LHFPL1: variants seen among roughly 807,000 people sequenced by gnomAD.
LHFPL1 encodes LHFPL tetraspan subfamily member 1.
A neutral mutation model predicts 12.1 loss-of-function variants in LHFPL1; 4 were observed. The ratio of observed to expected loss-of-function variants is 0.33; its 90% confidence interval spans 0.16 to 0.76. The LOEUF (loss-of-function observed/expected upper bound fraction) is 0.76. Among genes scored for constraint, LHFPL1 ranks in the 30% least tolerant of loss-of-function variants. LHFPL1 has a pLI of 0.61. For synonymous variants in LHFPL1, 52 were observed against 61.9 expected, an observed-to-expected ratio of 0.84 and a Z score of 0.75; for missense variants, 141 against 174.1, an observed-to-expected ratio of 0.81 and a Z score of 1.07.
intron 3 of LHFPL1, among the ~76,000 whole-genome samples, chrX:112,656,095 T>C (rs1701130580): frequency 9.0e-6 from 1 of 111,655 alleles, no homozygotes; most frequent in South Asian, 3.8e-4. Flanking sequence ...CTAATAAATA[T>C]AGATGCAAAA....
chrX:112,671,434 C>T (rs1931502664), intron 1 of LHFPL1, 30 bp from the exon 2 acceptor site: 1 of 1,210,239 alleles, frequency 8.3e-7, no homozygotes, highest in East Asian at 3.0e-5. Flanking sequence ...AGTTGGATCA[C>T]AGCACCAAAT....
At chrX:112,663,104 G>T (rs1931236780) in intron 2 of LHFPL1, among the ~76,000 whole-genome samples, 1 of 111,151 alleles carries the variant, frequency 9.0e-6, no homozygotes, top group South Asian at 3.9e-4. Context: ...CTGCCCCTCA[G>T]ATCTTACCAT....
intron 1 of LHFPL1, among the ~76,000 whole-genome samples, chrX:112,679,150 A>T (rs1435479281): frequency 9.0e-6 from 1 of 110,614 alleles, no homozygotes; most frequent in Non-Finnish European, 1.9e-5. Flanking sequence ...TCCATGGGTG[A>T]TTTTTCCTCA....
intron 3 of LHFPL1, among the ~76,000 whole-genome samples, chrX:112,636,416 A>T (rs895913593): frequency 1.2e-4 from 13 of 112,489 alleles, no homozygotes; most frequent in African/African-American, 4.2e-4. Flanking sequence ...AGCAATCCTC[A>T]TGTAGACAAA....
chrX:112,667,144 G>T (rs915748547), intron 2 of LHFPL1, among the ~76,000 whole-genome samples: 12 of 112,013 alleles, frequency 1.1e-4, no homozygotes, highest in Non-Finnish European at 2.3e-4. Flanking sequence ...TTAGAAACAT[G>T]GCACTCTTCC....
chrX:112,641,620 T>C (rs1930510915), intron 3 of LHFPL1, among the ~76,000 whole-genome samples: 1 of 112,511 alleles, frequency 8.9e-6, no homozygotes, highest in Non-Finnish European at 1.9e-5. Context: ...GCCAAAAAGA[T>C]GACACATACA....
intron 3 of LHFPL1, among the ~76,000 whole-genome samples, chrX:112,653,145 T>C (rs1203267509): frequency 8.9e-6 from 1 of 112,341 alleles, no homozygotes; most frequent in Non-Finnish European, 1.9e-5. Flanking sequence ...TATTACTTCA[T>C]ATCTTTAAAA....
intron 3 of LHFPL1, among the ~76,000 whole-genome samples, chrX:112,655,576 C>T (rs1352830039): frequency 9.0e-6 from 1 of 111,132 alleles, no homozygotes; most frequent in Non-Finnish European, 1.9e-5. Flanking sequence ...TTGATAATGC[C>T]CGCCTCTATT....
At position 112,639,845 on chromosome X, in the gene LHFPL1, T is replaced by C. The variant is rs757764410; in HGVS notation, c.482-8244A>G. Among the ~76,000 whole-genome samples the C allele has an allele frequency of 2.1e-4, 24 of 112,343 alleles. No individual in the cohort carries two copies. In the South Asian group the frequency reaches 8.5e-3, roughly 40 times the overall value. ...ACTTCTGGGTCACCCCGTGTTGCCT[T>C]TTATACAGCCTGTCAGCTACACCTG... On this transcript the variant is annotated intron_variant, in intron 3 of 3. Transcript: ENST00000371968.
At chrX:112,657,372 T>G (rs760643772) in intron 3 of LHFPL1, among the ~76,000 whole-genome samples, 7 of 112,150 alleles carry the variant, frequency 6.2e-5, no homozygotes, top group Non-Finnish European at 1.1e-4. Context: ...CTCCCCAAAC[T>G]AATCTACAGA....
chrX:112,662,822 A>T (rs7877118), intron 2 of LHFPL1, among the ~76,000 whole-genome samples: 12,296 of 111,641 alleles, frequency 0.11, 1,709 homozygotes, highest in African/African-American at 0.38. Context: ...GAGTACGCAC[A>T]TTGGGTTAAG....
At chrX:112,659,375 G>A (rs1056224107) in intron 3 of LHFPL1, among the ~76,000 whole-genome samples, 1 of 110,689 alleles carries the variant, frequency 9.0e-6, no homozygotes, top group Non-Finnish European at 1.9e-5. Context: ...CAGGAGAATC[G>A]CTTGAACCTG....
intron 2 of LHFPL1, among the ~76,000 whole-genome samples, chrX:112,661,003 T>C (rs1233746246): frequency 2.7e-5 from 3 of 112,398 alleles, no homozygotes; most frequent in Admixed American, 9.4e-5. Context: ...CAAAATACTT[T>C]TGTCAATGAC....
At chrX:112,636,456 C>A (rs1003784432) in intron 3 of LHFPL1, among the ~76,000 whole-genome samples, 2 of 112,212 alleles carry the variant, frequency 1.8e-5, no homozygotes, top group Admixed American at 1.9e-4. Context: ...AAATTCTATT[C>A]AAAATAAATC....
At chrX:112,641,604 C>G (rs1930510486) in intron 3 of LHFPL1, among the ~76,000 whole-genome samples, 1 of 112,331 alleles carries the variant, frequency 8.9e-6, no homozygotes, top group Admixed American at 9.4e-5. Flanking sequence ...CAGAGCAGCT[C>G]TGAAGGCCAA....
intron 3 of LHFPL1, among the ~76,000 whole-genome samples, chrX:112,654,551 T>A (rs1194255157): frequency 9.1e-6 from 1 of 110,118 alleles, no homozygotes; most frequent in African/African-American, 3.3e-5. Context: ...TTGGAAAAAA[T>A]ATTTTATATT....
chrX:112,657,800 C>A (rs1931051241), intron 3 of LHFPL1, among the ~76,000 whole-genome samples: 1 of 109,001 alleles, frequency 9.2e-6, no homozygotes, highest in African/African-American at 3.4e-5. Flanking sequence ...GAACAAAGGC[C>A]TAACTATAAG....
chrX:112,655,553 T>G (rs1405187984), intron 3 of LHFPL1, among the ~76,000 whole-genome samples: 3 of 111,629 alleles, frequency 2.7e-5, no homozygotes, highest in Non-Finnish European at 5.7e-5. Flanking sequence ...TCCTTTTTAC[T>G]TACTCTGATG....
At chrX:112,668,826 A>G (rs1352005560) in intron 2 of LHFPL1, among the ~76,000 whole-genome samples, 1 of 112,326 alleles carries the variant, frequency 8.9e-6, no homozygotes, top group Non-Finnish European at 1.9e-5. Context: ...TGAAAGTCTC[A>G]GTTGAGCCCA....
Sources: allele counts gnomAD v4.1 joint callset (sites outside exome capture counted in the v4.1 genomes callset), GRCh38; gene constraint gnomAD v4.1.1; transcripts MANE v1.5; gene names NCBI Gene and HGNC (gene_info 2026-07-23, HGNC 2026-07-21).